Variants in KCNQ3 observed in about 807,000 individuals in gnomAD.
KCNQ3 encodes the protein potassium voltage-gated channel subfamily Q member 3.
In KCNQ3, 30 loss-of-function variants were observed where a neutral mutation model predicts 92.5. The ratio of observed to expected loss-of-function variants is 0.32; its 90% CI spans 0.24 to 0.44. The LOEUF (loss-of-function observed/expected upper bound fraction) is 0.44. Ranked by LOEUF, KCNQ3 falls within the 20% of genes least tolerant of loss-of-function variation. The pLI is 1.00. For synonymous variants in KCNQ3, 450 were observed against 468.8 expected (o/e 0.96, Z 0.52); for missense variants, 913 against 1,140.3 (o/e 0.80, Z 2.87).
chr8:132,458,155 C>T (rs921797202), intron 1 of KCNQ3, among the ~76,000 whole-genome samples: 1 of 152,206 alleles, frequency 6.6e-6, no homozygotes, highest in Admixed American at 6.5e-5. Context: ...CCACCCTTGG[C>T]CCAACATGAC....
At chr8:132,382,509 T>C (rs1819779841) in intron 1 of KCNQ3, among the ~76,000 whole-genome samples, 1 of 152,002 alleles carries the variant, frequency 6.6e-6, no homozygotes, top group African/African-American at 2.4e-5. Flanking sequence ...GAATCATGAG[T>C]CAAATAAACC....
chr8:132,172,405 C>T (rs1274115659), intron 7 of KCNQ3, among the ~76,000 whole-genome samples, 193 bp downstream of exon 7: 2 of 148,682 alleles, frequency 1.3e-5, no homozygotes, highest in African/African-American at 2.6e-5. Flanking sequence ...AATACACACA[C>T]ACACACACAC....
chr8:132,189,402 C>G (rs1442083167), intron 1 of KCNQ3, among the ~76,000 whole-genome samples: 1 of 152,212 alleles, frequency 6.6e-6, no homozygotes, highest in Non-Finnish European at 1.5e-5. Context: ...AACATACTGT[C>G]CCAACACCTG....
chr8:132,269,650 T>C (rs1816092676), intron 1 of KCNQ3, among the ~76,000 whole-genome samples: 1 of 152,148 alleles, frequency 6.6e-6, no homozygotes, highest in African/African-American at 2.4e-5. Context: ...AGACTTCATA[T>C]CAGAGAGAAA....
At position 132,295,039 on chromosome 8, in the gene KCNQ3, A is replaced by T. The variant is rs893590846; in HGVS notation, c.387-108858T>A. On this transcript the variant is annotated intron_variant, in intron 1 of 14. Coordinates refer to ENST00000388996, the MANE Select transcript of KCNQ3 (RefSeq NM_004519.4). Reference sequence around the variant, plus strand: ...GTGCAACAAAGGCAAAAATTGACACATGGGATCTAAACTAAAGAGCTTCTG... The same window carrying T: ...GTGCAACAAAGGCAAAAATTGACACTTGGGATCTAAACTAAAGAGCTTCTG... Among the ~76,000 whole-genome samples the T allele has an allele frequency of 6.6e-5, 10 of 152,336 alleles. No individual in the cohort carries two copies. In the South Asian group the frequency reaches 1.5e-3, roughly 22 times the overall value.
At chr8:132,222,281 T>C (rs1385258953) in intron 1 of KCNQ3, among the ~76,000 whole-genome samples, 1 of 152,228 alleles carries the variant, frequency 6.6e-6, no homozygotes, top group Non-Finnish European at 1.5e-5. Context: ...TTTATCAAGT[T>C]CATGTGAGCA....
chr8:132,394,574 A>G (rs892373391), intron 1 of KCNQ3, among the ~76,000 whole-genome samples: 1 of 152,172 alleles, frequency 6.6e-6, no homozygotes, highest in African/African-American at 2.4e-5. Flanking sequence ...GACCTGAGAG[A>G]ACTTCAGAGT....
chr8:132,317,672 G>A (rs142078687), intron 1 of KCNQ3, among the ~76,000 whole-genome samples: 119 of 152,262 alleles, frequency 7.8e-4, no homozygotes, highest in African/African-American at 2.4e-3. Flanking sequence ...AGTGGAACTC[G>A]TCCTCTGCTG....
At chr8:132,249,972 G>T (rs966696790) in intron 1 of KCNQ3, among the ~76,000 whole-genome samples, 10 of 152,156 alleles carry the variant, frequency 6.6e-5, no homozygotes, top group African/African-American at 2.4e-4. Flanking sequence ...CCGAGCCCAT[G>T]CCCACCCGGA....
chr8:132,143,000 A>G (rs1205824489), intron 9 of KCNQ3, among the ~76,000 whole-genome samples: 1 of 152,196 alleles, frequency 6.6e-6, no homozygotes, highest in African/African-American at 2.4e-5. Flanking sequence ...TTTCTTGCCT[A>G]CAGTCCAGCA....
chr8:132,248,482 G>C (rs1258513264), intron 1 of KCNQ3, among the ~76,000 whole-genome samples: 1 of 152,082 alleles, frequency 6.6e-6, no homozygotes, highest in African/African-American at 2.4e-5. Flanking sequence ...TGCTTCCTTT[G>C]TATTAGCTTC....
At position 132,170,890 on chromosome 8, in the gene KCNQ3, G is replaced by A. The variant is rs548194663; in HGVS notation, c.1141-462C>T. The stretch of plus-strand genomic sequence containing the variant: ...AGAACAAAGCTGGGCTTGGTGGCAC[G>A]TGCCTGTAGTTCCGGCTACCTGGGA... On this transcript the variant is annotated intron_variant, in intron 7 of 14. Transcript: ENST00000388996. Among the ~76,000 whole-genome samples, 21 of 151,274 alleles carry A rather than the reference G, an allele frequency of 1.4e-4. 1 individual carries two copies. The South Asian group carries it at 3.1e-3, about 23-fold the overall frequency.
intron 1 of KCNQ3, among the ~76,000 whole-genome samples, chr8:132,261,347 C>T (rs1325129542): frequency 6.6e-6 from 1 of 152,204 alleles, no homozygotes; most frequent in Non-Finnish European, 1.5e-5. Flanking sequence ...CTGCGTGCCT[C>T]ACCCAGTGGG....
At chr8:132,429,703 A>G (rs1821199484) in intron 1 of KCNQ3, among the ~76,000 whole-genome samples, 1 of 152,032 alleles carries the variant, frequency 6.6e-6, no homozygotes, top group Non-Finnish European at 1.5e-5. Context: ...TCTACTAAAA[A>G]TACAAAAAAT....
chr8:132,226,436 G>A (rs981485125), intron 1 of KCNQ3, among the ~76,000 whole-genome samples: 1 of 152,158 alleles, frequency 6.6e-6, no homozygotes, highest in African/African-American at 2.4e-5. Flanking sequence ...TGCGTGTGTA[G>A]GGGAGTGGAG....
At chr8:132,135,750 A>C in intron 12 of KCNQ3, among the ~76,000 whole-genome samples, 1 of 152,096 alleles carries the variant, frequency 6.6e-6, no homozygotes, top group East Asian at 1.9e-4. Context: ...ATTTGTTCAC[A>C]CATCTATTCA....
At chr8:132,249,207 G>C (rs1017993828) in intron 1 of KCNQ3, among the ~76,000 whole-genome samples, 1 of 152,188 alleles carries the variant, frequency 6.6e-6, no homozygotes, top group Non-Finnish European at 1.5e-5. Context: ...TGCAGAAGGG[G>C]ACCCAAGCAG....
At chr8:132,448,820 C>T (rs990506229) in intron 1 of KCNQ3, among the ~76,000 whole-genome samples, 11 of 152,154 alleles carry the variant, frequency 7.2e-5, no homozygotes, top group African/African-American at 2.4e-4. Flanking sequence ...TCTTTTTTCC[C>T]TCTCAAATTC....
intron 1 of KCNQ3, chr8:132,186,509 C>T (rs1826961604): frequency 2.7e-6 from 1 of 371,870 alleles, no homozygotes; most frequent in Admixed American, 3.7e-5. Flanking sequence ...AAAGTCAAGA[C>T]AACTTTTCAC....
Sources: gnomAD v4.1 joint callset for allele counts (sites outside exome capture counted in the v4.1 genomes callset) on GRCh38, gnomAD v4.1.1 for gene constraint, MANE v1.5 for transcripts, NCBI Gene and HGNC (gene_info 2026-07-23, HGNC 2026-07-21) for gene names.